XKR9: variants seen among roughly 807,000 people sequenced by gnomAD.
XKR9 encodes XK-related protein 9.
In XKR9, 32 loss-of-function variants were observed where a neutral mutation model predicts 32.0. That is an observed-to-expected ratio of 1.00 (90% CI 0.76 to 1.34). The LOEUF is 1.34. Ranked by LOEUF, XKR9 falls within the 40% of genes most tolerant of loss-of-function variation. XKR9 has a pLI of 0.00. For synonymous variants in XKR9, 168 were observed against 143.4 expected, an observed-to-expected ratio of 1.17 and a Z score of -1.22; for missense variants, 546 against 429.7, an observed-to-expected ratio of 1.27 and a Z score of -2.39.
the XKR9 span, among the ~76,000 whole-genome samples, chr8:71,018,485 C>T: frequency 0.012 from 1,832 of 151,964 alleles, 36 homozygotes; most frequent in African/African-American, 0.041. Flanking sequence ...TGGGAGCTTC[C>T]GAAGATGTAA....
the XKR9 span, among the ~76,000 whole-genome samples, chr8:70,885,345 G>A: frequency 6.6e-6 from 1 of 151,984 alleles, no homozygotes; most frequent in South Asian, 2.1e-4. Flanking sequence ...TTGATTTTCT[G>A]TTGATTATTA....
chr8:71,016,802 A>AT, the XKR9 span, among the ~76,000 whole-genome samples: 1 of 151,726 alleles, frequency 6.6e-6, no homozygotes, highest in Non-Finnish European at 1.5e-5. Context: ...GTTGAAGTAC[A>AT]TATCTATTAA....
chr8:70,987,833 G>T, the XKR9 span, among the ~76,000 whole-genome samples: 3 of 152,190 alleles, frequency 2.0e-5, no homozygotes, highest in Non-Finnish European at 4.4e-5. Flanking sequence ...GCAAACTTCT[G>T]TCTGGGCATC....
the XKR9 span, among the ~76,000 whole-genome samples, chr8:70,864,634 G>A: frequency 6.6e-6 from 1 of 152,092 alleles, no homozygotes; most frequent in East Asian, 1.9e-4. Flanking sequence ...TGACAGCTTT[G>A]CCTATAAACC....
At chr8:70,679,361 A>T (rs1249626788) in intron 2 of XKR9, among the ~76,000 whole-genome samples, 2 of 152,154 alleles carry the variant, frequency 1.3e-5, no homozygotes, top group East Asian at 1.9e-4. Flanking sequence ...AGGGGTTTAT[A>T]TGTATTACAT....
At chr8:70,991,040 C>T in the XKR9 span, among the ~76,000 whole-genome samples, 1 of 152,192 alleles carries the variant, frequency 6.6e-6, no homozygotes. Flanking sequence ...GACAAGACAT[C>T]TTGATTTAGT....
At chr8:70,808,820 A>C in the XKR9 span, among the ~76,000 whole-genome samples, 29 of 152,236 alleles carry the variant, frequency 1.9e-4, no homozygotes, top group African/African-American at 6.0e-4. Flanking sequence ...GGTGGAGCCC[A>C]CTGCAGCTCA....
chr8:70,690,308 T>C (rs939617949), intron 3 of XKR9, among the ~76,000 whole-genome samples: 3 of 152,102 alleles, frequency 2.0e-5, no homozygotes, highest in African/African-American at 7.2e-5. Flanking sequence ...TCCTTCTTTG[T>C]GTTCATAAGT....
At chr8:71,045,872 T>C in the XKR9 span, among the ~76,000 whole-genome samples, 5 of 152,044 alleles carry the variant, frequency 3.3e-5, no homozygotes, top group Non-Finnish European at 7.4e-5. Flanking sequence ...AGCATGGTAG[T>C]AGGTGTCAGG....
At chr8:70,770,711 T>C (rs554593494) in intron 2 of XKR9, among the ~76,000 whole-genome samples, 2 of 152,192 alleles carry the variant, frequency 1.3e-5, no homozygotes, top group Non-Finnish European at 2.9e-5. Context: ...TTGTTTACAC[T>C]GTGAGGGGAA....
rs1807081700 is a variant in XKR9 at position 70,748,016 on chromosome 8, G to A, written n.352+40863G>A. Among the ~76,000 whole-genome samples, 10 of 152,294 alleles carry A rather than the reference G, an allele frequency of 6.6e-5. No individual in the cohort carries two copies. The South Asian group carries it at 2.1e-3, about 32-fold the overall frequency. ...TTTTTGATATTCTTTCACCAAGATAGTATTTTTTGAACTTGATTTTGATGT... is the reference window on the plus strand; with the variant it reads ...TTTTTGATATTCTTTCACCAAGATAATATTTTTTGAACTTGATTTTGATGT... On this transcript the variant is annotated intron_variant and non_coding_transcript_variant, in intron 2 of 3. Transcript: ENST00000520273.
chr8:70,941,313 A>G, the XKR9 span, among the ~76,000 whole-genome samples: 6 of 152,034 alleles, frequency 3.9e-5, no homozygotes, highest in Middle Eastern at 3.2e-3. Flanking sequence ...TTTCTTTTTT[A>G]TGGCTGAGTA....
At chr8:70,753,274 T>C (rs1311672176) in intron 2 of XKR9, among the ~76,000 whole-genome samples, 1 of 151,968 alleles carries the variant, frequency 6.6e-6, no homozygotes, top group South Asian at 2.1e-4. Context: ...CAATAATCAA[T>C]AGCTTACCAA....
At chr8:70,881,667 G>A in the XKR9 span, among the ~76,000 whole-genome samples, 4 of 152,102 alleles carry the variant, frequency 2.6e-5, no homozygotes. Flanking sequence ...ACTGTTGCTG[G>A]GACTGTAAAC....
chr8:71,038,132 C>A, the XKR9 span, among the ~76,000 whole-genome samples: 5 of 152,124 alleles, frequency 3.3e-5, no homozygotes, highest in African/African-American at 1.2e-4. Context: ...ATCAGACTAA[C>A]TTACAAATTG....
the XKR9 span, among the ~76,000 whole-genome samples, chr8:70,818,928 G>A: frequency 3.9e-5 from 6 of 152,184 alleles, no homozygotes; most frequent in Non-Finnish European, 8.8e-5. Context: ...TCTTTCTAAA[G>A]CTGATGAAGA....
intron 2 of XKR9, among the ~76,000 whole-genome samples, chr8:70,742,326 A>T (rs889496890): frequency 1.3e-5 from 2 of 152,214 alleles, no homozygotes; most frequent in Non-Finnish European, 2.9e-5. Flanking sequence ...TGATTCTTGT[A>T]TAATTACATA....
chr8:70,684,038 C>A (rs1197136262), intron 3 of XKR9, among the ~76,000 whole-genome samples: 1 of 152,100 alleles, frequency 6.6e-6, no homozygotes, highest in Admixed American at 6.6e-5. Context: ...CTCATTGCCG[C>A]TCTTTTGAAA....
intron 3 of XKR9, among the ~76,000 whole-genome samples, chr8:70,789,917 C>A (rs1477635072): frequency 6.6e-6 from 1 of 151,956 alleles, no homozygotes; most frequent in Non-Finnish European, 1.5e-5. Context: ...ATGGAGTAAC[C>A]ATTAGCAACA....
Sources: allele counts gnomAD v4.1 joint callset (sites outside exome capture counted in the v4.1 genomes callset), GRCh38; gene constraint gnomAD v4.1.1; transcripts MANE v1.5; gene names NCBI Gene and HGNC (gene_info 2026-07-23, HGNC 2026-07-21).